The following COL5A2 variants were observed in gnomAD, a reference collection of about 807,000 sequenced individuals.
The protein encoded by COL5A2 is collagen type V alpha 2 chain.
In COL5A2, 23 loss-of-function variants were observed where a neutral mutation model predicts 208.2. The observed-to-expected ratio is 0.11, with a 90% CI of 0.08 to 0.16. The LOEUF (loss-of-function observed/expected upper bound fraction) is 0.16, where lower values mean the gene tolerates loss of function less well. Among genes scored for constraint, COL5A2 ranks in the 10% least tolerant of loss-of-function variants. COL5A2 has a pLI of 1.00. For synonymous variants in COL5A2, 625 were observed against 628.5 expected (o/e 0.99, Z 0.08); for missense variants, 1,590 against 1,956.4 (o/e 0.81, Z 3.53).
At chr2:189,210,473 A>G (rs899251116) in intron 1 of COL5A2, among the ~76,000 whole-genome samples, 3 of 152,134 alleles carry the variant, frequency 2.0e-5, no homozygotes. Context: ...TGAAAGTGGA[A>G]AACTGAAAAT....
the COL5A2 span, among the ~76,000 whole-genome samples, chr2:189,236,491 T>C: frequency 6.6e-6 from 1 of 151,866 alleles, no homozygotes; most frequent in Non-Finnish European, 1.5e-5. Flanking sequence ...CTATCAATAA[T>C]TGATGAGAGT....
At chr2:189,080,314 A>T (rs1686502954) in intron 13 of COL5A2, among the ~76,000 whole-genome samples, 1 of 152,288 alleles carries the variant, frequency 6.6e-6, no homozygotes, top group East Asian at 1.9e-4. Context: ...AAAACCTTAC[A>T]GTGGCTTTAG....
intron 1 of COL5A2, among the ~76,000 whole-genome samples, chr2:189,209,843 A>G (rs563338896): frequency 6.6e-6 from 1 of 152,328 alleles, no homozygotes; most frequent in South Asian, 2.1e-4. Context: ...AATATTTTGA[A>G]TTAAAGATGC....
chr2:189,293,242 C>G, the COL5A2 span, among the ~76,000 whole-genome samples: 1 of 151,752 alleles, frequency 6.6e-6, no homozygotes, highest in South Asian at 2.1e-4. Flanking sequence ...TACCCTAAAA[C>G]TTAAAGTATA....
chr2:189,151,654 C>T (rs942961899), intron 1 of COL5A2, among the ~76,000 whole-genome samples: 2 of 152,120 alleles, frequency 1.3e-5, no homozygotes, highest in African/African-American at 4.8e-5. Flanking sequence ...CATAAAAACA[C>T]ATATTCATCT....
At chr2:189,407,727 A>C in the COL5A2 span, among the ~76,000 whole-genome samples, 1 of 152,310 alleles carries the variant, frequency 6.6e-6, no homozygotes. Context: ...TTTCTAAAGC[A>C]ACAAATAAAT....
At chr2:189,383,232 G>A in the COL5A2 span, among the ~76,000 whole-genome samples, 8 of 152,108 alleles carry the variant, frequency 5.3e-5, no homozygotes, top group African/African-American at 1.9e-4. Context: ...CCAAGATGAC[G>A]GTGCCAGATG....
the COL5A2 span, among the ~76,000 whole-genome samples, chr2:189,424,903 A>G: frequency 4.9e-4 from 74 of 152,334 alleles, no homozygotes; most frequent in African/African-American, 1.7e-3. Flanking sequence ...ACCTGACTTC[A>G]AGATATATTA....
intron 10 of COL5A2, 137 bp from the exon 11 acceptor site, chr2:189,085,350 CAG>C (rs1686633695): frequency 2.3e-6 from 2 of 859,932 alleles, no homozygotes; most frequent in Non-Finnish European, 3.7e-6. Flanking sequence ...ATTGTTGAGA[CAG>C]AGAAAATAGT....
At chr2:189,194,184 C>A (rs1219142646) in intron 1 of COL5A2, among the ~76,000 whole-genome samples, 1 of 151,996 alleles carries the variant, frequency 6.6e-6, no homozygotes, top group Non-Finnish European at 1.5e-5. Context: ...GCTCCTGATA[C>A]CAAACCAAAA....
At chr2:189,350,133 C>T in the COL5A2 span, among the ~76,000 whole-genome samples, 10 of 152,144 alleles carry the variant, frequency 6.6e-5, 1 homozygote, top group African/African-American at 2.4e-4. Flanking sequence ...GAGGAGTAGA[C>T]ATCTAATTAG....
chr2:189,086,709 A>G lies in COL5A2; in HGVS notation c.690+17T>C, dbSNP rs1171215082. 1.2e-5 allele frequency: 18 copies of G among 1,561,772 alleles called. No homozygotes were observed. Among genetic ancestry groups the G allele is most frequent in the Non-Finnish European group, 1.5e-5 (17 of 1,145,418 alleles). The stretch of plus-strand genomic sequence containing the variant: ...ATGTTTTTCTTACAGCATGTAATTA[A>G]TTATAAAGAGACTTACTTGCTGTCC... On this transcript the variant is annotated intron_variant, in intron 9 of 53. Coordinates refer to ENST00000374866, the MANE Select transcript of COL5A2 (RefSeq NM_000393.5).
At chr2:189,282,376 T>C in the COL5A2 span, among the ~76,000 whole-genome samples, 21 of 152,188 alleles carry the variant, frequency 1.4e-4, no homozygotes, top group Admixed American at 1.4e-3. Context: ...GTGACTGGAA[T>C]GTTAGTGCAA....
At chr2:189,394,860 T>C in the COL5A2 span, among the ~76,000 whole-genome samples, 2 of 152,222 alleles carry the variant, frequency 1.3e-5, no homozygotes, top group Non-Finnish European at 2.9e-5. Context: ...CTCACTTTTT[T>C]GCTCATAGAC....
Position 189,072,765 on chromosome 2 carries a change from C to CAAAAA in COL5A2, c.1105-677_1105-673dup, listed in dbSNP as rs58636533. On this transcript the variant is annotated intron_variant, in intron 17 of 53. Coordinates refer to ENST00000374866, the MANE Select transcript of COL5A2 (RefSeq NM_000393.5). ...CCAACCTGCAGTCAGACTCCATCTC[C>CAAAAA]AAAAAAAAAAAAAAAAAAAAACCAT... 3.1e-3 allele frequency among the ~76,000 whole-genome samples: 209 copies of CAAAAA among 67,500 alleles called. 3 individuals are homozygous for CAAAAA. The highest frequency in any genetic ancestry group is 0.011 in the African/African-American group (194 of 18,122). 44.3% of individuals were successfully genotyped at this position (67,500 alleles called of 152,430 possible).
rs1689276061 is a variant in COL5A2 at position 189,216,192 on chromosome 2, A to C, written c.-42+8956T>G. ...TAATAATATCAATATAATTTGCAAA[A>C]TGAAAATAATATTTTTCTTCTCATG... On this transcript the variant is annotated intron_variant, in intron 1 of 10. Coordinates refer to the COL5A2 transcript ENST00000649966. 3.9e-5 allele frequency among the ~76,000 whole-genome samples: 6 copies of C among 152,194 alleles called. 2 individuals are homozygous for C. The South Asian group carries it at 1.2e-3, about 32-fold the overall frequency.
chr2:189,138,273 C>T (rs998490260), intron 1 of COL5A2, among the ~76,000 whole-genome samples: 1 of 151,978 alleles, frequency 6.6e-6, no homozygotes, highest in Admixed American at 6.6e-5. Flanking sequence ...TGCACCCGGC[C>T]CGGTATATTT....
At chr2:189,196,671 T>C (rs185427434) in intron 1 of COL5A2, among the ~76,000 whole-genome samples, 1 of 152,256 alleles carries the variant, frequency 6.6e-6, no homozygotes, top group East Asian at 1.9e-4. Context: ...CTTCCTACTT[T>C]CTTGTCAGAA....
rs1194945141 is a variant in COL5A2 at position 189,080,013 on chromosome 2, C to T, written c.925G>A (p.Gly309Ser). 1 of 1,612,656 alleles carries T rather than the reference C, an allele frequency of 6.2e-7. No individual in the cohort carries two copies. Among genetic ancestry groups the T allele is most frequent in the Non-Finnish European group, 8.5e-7 (1 of 1,179,052 alleles). Residue 309 changes from glycine to serine, a missense_variant, in exon 14 of 54, where the codon GGC becomes AGC. Coordinates refer to ENST00000374866, the MANE Select transcript of COL5A2 (RefSeq NM_000393.5). ...KGHRGHKGLEGPKGEVGAPGS... is the reference protein window; with the variant it reads ...KGHRGHKGLESPKGEVGAPGS... ...GGTGCTCCAACTTCACCTTTAGGGC[C>T]TTCAAGACCTTTGTGTCCCTGAGAA...
Sources: allele counts gnomAD v4.1 joint callset (sites outside exome capture counted in the v4.1 genomes callset), GRCh38; gene constraint gnomAD v4.1.1; transcripts MANE v1.5; gene names NCBI Gene and HGNC (gene_info 2026-07-23, HGNC 2026-07-21).